The following SMYD3 variants were observed in gnomAD, a reference collection of about 807,000 sequenced individuals.
SMYD3 encodes SET and MYND domain containing 3.
A neutral mutation model predicts 57.7 loss-of-function variants in SMYD3; 36 were observed. The ratio of observed to expected loss-of-function variants is 0.62; its 90% CI spans 0.48 to 0.82. The LOEUF (loss-of-function observed/expected upper bound fraction) is 0.82. SMYD3 is among the 40% of genes least tolerant of loss of function. The pLI is 0.00. For missense variants in SMYD3, 515 were observed against 538.8 expected (o/e 0.96, Z 0.44); for synonymous variants, 211 against 195.0 (o/e 1.08, Z -0.68).
chr1:245,763,872 T>C (rs1483767389), intron 11 of SMYD3, among the ~76,000 whole-genome samples, 169 bp downstream of exon 11: 1 of 152,168 alleles, frequency 6.6e-6, no homozygotes, highest in Admixed American at 6.5e-5. Flanking sequence ...GCAAATGTCA[T>C]GAAGCAGGTT....
At chr1:245,939,449 C>T (rs1399776069) in intron 5 of SMYD3, among the ~76,000 whole-genome samples, 2 of 152,056 alleles carry the variant, frequency 1.3e-5, no homozygotes, top group East Asian at 3.9e-4. Context: ...TATGGTGAAA[C>T]CCCATCTCTA....
At chr1:246,285,741 A>G (rs879563960) in intron 5 of SMYD3, among the ~76,000 whole-genome samples, 2 of 152,156 alleles carry the variant, frequency 1.3e-5, no homozygotes, top group Non-Finnish European at 2.9e-5. Context: ...CACAATCTAT[A>G]CATCCAACAA....
intron 10 of SMYD3, among the ~76,000 whole-genome samples, chr1:245,830,081 A>C (rs1057512726): frequency 6.6e-6 from 1 of 152,224 alleles, no homozygotes; most frequent in African/African-American, 2.4e-5. Flanking sequence ...GCCACTGAGT[A>C]GTACACTTTA....
chr1:245,992,344 G>A (rs2058825597), intron 5 of SMYD3, among the ~76,000 whole-genome samples: 1 of 152,270 alleles, frequency 6.6e-6, no homozygotes, highest in Non-Finnish European at 1.5e-5. Flanking sequence ...CACCAACTGT[G>A]ATGCAGTGTG....
Position 245,976,976 on chromosome 1 carries a change from CGGCCCAGGGAAAGCCATCGTCTCT to C in SMYD3, c.532-47063_532-47040del, listed in dbSNP as rs2058451140. 1.5e-3 allele frequency among the ~76,000 whole-genome samples: 15 copies of C among 9,782 alleles called. 6 individuals carry two copies. The highest frequency in any genetic ancestry group is 3.2e-3 in the Admixed American group (2 of 626). 6.4% of individuals were successfully genotyped at this position (9,782 alleles called of 152,430 possible). A position where few individuals can be genotyped will look rare whatever the true frequency, so the allele number is the denominator to read the frequency against. On this transcript the variant is annotated intron_variant, in intron 5 of 11. Coordinates refer to ENST00000490107, the MANE Select transcript of SMYD3 (RefSeq NM_001167740.2). The stretch of plus-strand genomic sequence containing the variant: ...CTAGCCTAGGGAAAGCCATCGTCTC[CGGCCCAGGGAAAGCCATCGTCTCT>C]AGCCCAGGGAAAGCCATCGTCTCTA...
chr1:246,024,831 C>G (rs28564049), intron 5 of SMYD3, among the ~76,000 whole-genome samples: 6 of 13,692 alleles, frequency 4.4e-4, no homozygotes, highest in African/African-American at 5.9e-4. Context: ...GGAGATACAG[C>G]AAGTGGACAG....
intron 1 of SMYD3, among the ~76,000 whole-genome samples, chr1:246,358,130 A>G (rs2065934392): frequency 6.6e-6 from 1 of 152,240 alleles, no homozygotes; most frequent in Non-Finnish European, 1.5e-5. Context: ...ATGACATTCC[A>G]TGCAAATGGG....
At chr1:245,979,191 C>A (rs2148062091) in intron 5 of SMYD3, among the ~76,000 whole-genome samples, 1 of 152,180 alleles carries the variant, frequency 6.6e-6, no homozygotes, top group Middle Eastern at 3.4e-3. Context: ...AACTCAAATG[C>A]CCAAGGAGGG....
chr1:245,797,166 C>G (rs1439418498), intron 10 of SMYD3, among the ~76,000 whole-genome samples: 1 of 152,090 alleles, frequency 6.6e-6, no homozygotes, highest in African/African-American at 2.4e-5. Flanking sequence ...TTGAACAGGG[C>G]TTTACTTCAG....
At chr1:246,334,439 C>A (rs1347768780) in intron 3 of SMYD3, among the ~76,000 whole-genome samples, 1 of 152,126 alleles carries the variant, frequency 6.6e-6, no homozygotes, top group African/African-American at 2.4e-5. Context: ...GGGCATTATC[C>A]TAAGTGAATT....
chr1:246,148,451 ACACT>A (rs1298892341), intron 5 of SMYD3, among the ~76,000 whole-genome samples: 1 of 152,092 alleles, frequency 6.6e-6, no homozygotes, highest in African/African-American at 2.4e-5. Flanking sequence ...AGCTGTTCTG[ACACT>A]CAATAAAGCT....
At chr1:245,844,633 G>A (rs2050572965) in intron 10 of SMYD3, among the ~76,000 whole-genome samples, 1 of 136,034 alleles carries the variant, frequency 7.4e-6, no homozygotes, top group Non-Finnish European at 1.6e-5. Context: ...ATCTCTTTTA[G>A]TCCCAAGAAC....
chr1:246,201,239 G>T (rs2062919366), intron 5 of SMYD3, among the ~76,000 whole-genome samples: 1 of 152,120 alleles, frequency 6.6e-6, no homozygotes, highest in South Asian at 2.1e-4. Context: ...GCAGTAATAA[G>T]AGATACCAGA....
intron 3 of SMYD3, among the ~76,000 whole-genome samples, chr1:246,330,888 A>T (rs1291811639): frequency 2.0e-5 from 3 of 152,216 alleles, no homozygotes; most frequent in Non-Finnish European, 4.4e-5. Flanking sequence ...AATCCCCGAT[A>T]CTTTGGGAGG....
At chr1:245,968,727 G>A (rs1314791014) in intron 5 of SMYD3, among the ~76,000 whole-genome samples, 3 of 152,154 alleles carry the variant, frequency 2.0e-5, no homozygotes, top group African/African-American at 7.2e-5. Context: ...TGGTACCTGT[G>A]TTGCAAGTGT....
intron 10 of SMYD3, among the ~76,000 whole-genome samples, chr1:245,773,945 AAATTT>A (rs1195187784): frequency 1.3e-5 from 2 of 152,268 alleles, no homozygotes; most frequent in African/African-American, 4.8e-5. Context: ...AGAAAATTTT[AAATTT>A]ATTTGAACGT....
At chr1:245,805,925 T>G (rs2048124874) in intron 10 of SMYD3, among the ~76,000 whole-genome samples, 1 of 152,228 alleles carries the variant, frequency 6.6e-6, no homozygotes, top group Non-Finnish European at 1.5e-5. Flanking sequence ...CTTCAGTATA[T>G]GCAGCATATG....
intron 5 of SMYD3, among the ~76,000 whole-genome samples, chr1:246,201,739 G>A (rs2062925683): frequency 2.6e-5 from 4 of 152,166 alleles, no homozygotes; most frequent in Non-Finnish European, 4.4e-5. Flanking sequence ...CAGGCCAGGC[G>A]CGGTGGCTCA....
At chr1:245,846,695 TAATA>T (rs1244048762) in intron 10 of SMYD3, among the ~76,000 whole-genome samples, 2 of 152,200 alleles carry the variant, frequency 1.3e-5, no homozygotes, top group Non-Finnish European at 2.9e-5. Flanking sequence ...AGTAGCCTCT[TAATA>T]AATAACAGCA....
Sources: gnomAD v4.1 joint callset for allele counts (sites outside exome capture counted in the v4.1 genomes callset) on GRCh38, gnomAD v4.1.1 for gene constraint, MANE v1.5 for transcripts, NCBI Gene and HGNC (gene_info 2026-07-23, HGNC 2026-07-21) for gene names.